The following ZNF213 variants were observed in gnomAD, a reference collection of about 807,000 sequenced individuals.
The protein encoded by ZNF213 is zinc finger protein 213, also known as putative transcription factor CR53.
In ZNF213, 32 loss-of-function variants were observed where a neutral mutation model predicts 46.0. The observed-to-expected ratio is 0.70, with a 90% confidence interval of 0.52 to 0.93. The LOEUF is 0.93. Ranked by LOEUF, ZNF213 falls within the 40% of genes least tolerant of loss-of-function variation. The pLI, the probability that ZNF213 is intolerant of heterozygous loss-of-function variation, is 0.00. For missense variants in ZNF213, 639 were observed against 652.8 expected (o/e 0.98, Z 0.23); for synonymous variants, 297 against 271.0 (o/e 1.10, Z -0.94).
intron 2 of ZNF213, chr16:3,138,004 T>G (rs1414789273): frequency 4.2e-6 from 2 of 475,450 alleles, no homozygotes; most frequent in East Asian, 4.2e-5. Flanking sequence ...CACAAGGGTG[T>G]GCATAGAGCC....
In ZNF213 at chr16:3,135,133, G is replaced by A. The variant is rs1242751492; in HGVS notation, c.-370G>A. On this transcript the variant is annotated 5_prime_UTR_variant, in exon 1 of 6. Coordinates refer to ENST00000396878, the MANE Select transcript of ZNF213 (RefSeq NM_004220.3). The stretch of plus-strand genomic sequence containing the variant: ...GGGCGGGGGCGGGGGCCGGGGCGGG[G>A]ACGGGGCCTCTGGCCGCCTGGCTCC... 7.0e-6 allele frequency: 1 copy of A among 142,582 alleles called. No individual in the cohort carries two copies. Among genetic ancestry groups the A allele is most frequent in the Admixed American group, 6.9e-5 (1 of 14,454 alleles). The allele number at this position is 142,582 out of a possible 1,614,324, so 8.8% of individuals were successfully genotyped here. A position where few individuals can be genotyped will look rare whatever the true frequency, so the allele number is the denominator to read the frequency against.
At chr16:3,137,803 C>A in intron 2 of ZNF213, 124 bp downstream of exon 2, 2 of 1,234,824 alleles carry the variant, frequency 1.6e-6, no homozygotes, top group Non-Finnish European at 1.1e-6. Context: ...CCCCCAGGAG[C>A]AGGCACACAA....
intron 5 of ZNF213, chr16:3,140,421 C>T: frequency 2.9e-6 from 1 of 343,366 alleles, no homozygotes; most frequent in Non-Finnish European, 5.1e-6. Flanking sequence ...CGGGGTTTCA[C>T]CATGTTGGCC....
intron 5 of ZNF213, 164 bp from the exon 6 acceptor site, chr16:3,140,525 T>C: frequency 9.3e-7 from 1 of 1,075,578 alleles, no homozygotes; most frequent in Non-Finnish European, 1.2e-6. Context: ...GCCTGGCCAA[T>C]CATCCCTGTT....
intron 2 of ZNF213, 37 bp downstream of exon 2, chr16:3,137,716 G>C (rs1270840350): frequency 3.1e-6 from 5 of 1,602,578 alleles, no homozygotes; most frequent in Non-Finnish European, 4.3e-6. Context: ...CACCTGGATG[G>C]TATCTGAGCT....
At position 3,142,411 on chromosome 16, in the gene ZNF213, GC is replaced by G; in HGVS notation, c.*1065del. The G allele has an allele frequency of 1.4e-5, 2 of 146,042 alleles. No individual in the cohort carries two copies. The highest frequency in any genetic ancestry group is 9.3e-5 in the South Asian group (1 of 10,766). The allele number at this position is 146,042 out of a possible 1,614,324, so 9.0% of individuals were successfully genotyped here. A position where few individuals can be genotyped will look rare whatever the true frequency, so the allele number is the denominator to read the frequency against. On this transcript the variant is annotated 3_prime_UTR_variant, in exon 6 of 6. Coordinates refer to ENST00000396878, the MANE Select transcript of ZNF213 (RefSeq NM_004220.3). ...CCCACTCCATCAGCACTAACGCCCTGCTCCATCGGCACTGGTGTCCCACTCC... is the reference window on the plus strand; with the variant it reads ...CCCACTCCATCAGCACTAACGCCCTGTCCATCGGCACTGGTGTCCCACTCC...
At position 3,140,791 on chromosome 16, in the gene ZNF213, A is replaced by G; in HGVS notation, c.824A>G (p.Glu275Gly). The stretch of plus-strand genomic sequence containing the variant: ...GACGTGACTGTGTCCTGGAGCCCCG[A>G]GGAGGCTGAGGCCTGGGAGAGCGAG... The part of the protein sequence containing the change: ...GSDVTVSWSP[E>G]EAEAWESENR... The change falls in exon 6 of 6, where the codon GAG (glutamate) becomes GGG (glycine). Residue 275 changes from glutamate (E) to glycine (G), a missense_variant. By Grantham distance (98) the Glu-to-Gly change is moderately conservative. Coordinates refer to ENST00000396878, the MANE Select transcript of ZNF213 (RefSeq NM_004220.3). The G allele has an allele frequency of 6.3e-7, 1 of 1,595,216 alleles. No individual in the cohort carries two copies. Among genetic ancestry groups the G allele is most frequent in the Non-Finnish European group, 8.5e-7 (1 of 1,173,072 alleles).
In ZNF213 at chr16:3,141,283, A is replaced by G. The variant is rs758218435; in HGVS notation, c.1316A>G (p.Lys439Arg). The change falls in exon 6 of 6, where the codon AAG (lysine) becomes AGG (arginine). Residue 439 changes from lysine to arginine, a missense_variant. Physicochemically the swap from Lys to Arg is conservative, Grantham distance 26. Coordinates refer to ENST00000396878, the MANE Select transcript of ZNF213 (RefSeq NM_004220.3). ...TGCGGAGAGTGCGACAAGAGCTTCA[A>G]GCAGCGCGCGCACCTCATCGCGCAT... ...FGCGECDKSF[K>R]QRAHLIAHQS... 3 of 1,610,768 alleles carry G rather than the reference A, an allele frequency of 1.9e-6. No homozygotes were observed. Among genetic ancestry groups the G allele is most frequent in the African/African-American group, 1.3e-5 (1 of 74,942 alleles).
In ZNF213 at chr16:3,141,683, C is replaced by T. The variant is rs890325343; in HGVS notation, c.*336C>T. 1.5e-5 allele frequency: 5 copies of T among 331,358 alleles called. No homozygotes were observed. Among genetic ancestry groups the T allele is most frequent in the South Asian group, 7.6e-5 (1 of 13,080 alleles). 20.5% of individuals were successfully genotyped at this position (331,358 alleles called of 1,614,324 possible). On this transcript the variant is annotated 3_prime_UTR_variant, in exon 6 of 6. Coordinates refer to ENST00000396878, the MANE Select transcript of ZNF213 (RefSeq NM_004220.3). The stretch of plus-strand genomic sequence containing the variant: ...TCAGGTCTAGGTCCCTTCCCAGAAG[C>T]CCCCGAGCCTCATTTGACTGTGTGG...
chr16:3,136,068 C>A (rs1957533418), intron 1 of ZNF213, among the ~76,000 whole-genome samples: 1 of 152,208 alleles, frequency 6.6e-6, no homozygotes, highest in East Asian at 1.9e-4. Flanking sequence ...TGGCCTCAAG[C>A]AATCATCCTG....
Position 3,140,808 on chromosome 16 carries a change from G to A in ZNF213, c.841G>A (p.Glu281Lys). The change falls in exon 6 of 6, where the codon GAG becomes AAG. Residue 281 changes from glutamate to lysine, a missense_variant. Coordinates refer to ENST00000396878, the MANE Select transcript of ZNF213 (RefSeq NM_004220.3). ...SWSPEEAEAW[E>K]SENRPRAALG... ...GAGCCCCGAGGAGGCTGAGGCCTGG[G>A]AGAGCGAGAACCGGCCGAGGGCGGC... 2 of 1,595,434 alleles carry A rather than the reference G, an allele frequency of 1.3e-6. No individual in the cohort carries two copies. Among genetic ancestry groups the A allele is most frequent in the Non-Finnish European group, 1.7e-6 (2 of 1,173,454 alleles).
intron 1 of ZNF213, among the ~76,000 whole-genome samples, chr16:3,135,954 T>G (rs1267377287): frequency 6.6e-6 from 1 of 151,000 alleles, no homozygotes. Flanking sequence ...TCTTTCCTCC[T>G]CAGCCTCCCC....
chr16:3,137,077 G>A, intron 1 of ZNF213, 89 bp from the exon 2 acceptor site: 1 of 613,852 alleles, frequency 1.6e-6, no homozygotes. Flanking sequence ...GCCATGAAAG[G>A]ATGGGGACTG....
At chr16:3,138,221 G>A (rs1957563159) in intron 2 of ZNF213, 197 bp from the exon 3 acceptor site, 2 of 1,086,040 alleles carry the variant, frequency 1.8e-6, no homozygotes, top group South Asian at 3.2e-5. Context: ...CCTCGTGAAT[G>A]ATCGGGGAGC....
rs751370800 is a variant in ZNF213, at chr16:3,138,804, G to A, written c.583G>A (p.Val195Ile). Reference sequence around the variant, plus strand: ...CGGAGAGACGACGGACACCTGCTTTGTCTCTGGGGTCCATGTGAGTCACCA... The same window carrying A: ...CGGAGAGACGACGGACACCTGCTTTATCTCTGGGGTCCATGTGAGTCACCA... ...RPGETTDTCF[V>I]SGVHGPVALG... The change falls in exon 4 of 6, where the codon GTC becomes ATC. Residue 195 changes from valine to isoleucine, a missense_variant. Transcript: ENST00000396878. 7 of 1,614,054 alleles carry A rather than the reference G, an allele frequency of 4.3e-6. No individual in the cohort carries two copies. In the East Asian group the frequency reaches 1.3e-4, roughly 31 times the overall value.
rs915214885 is a variant in ZNF213 at position 3,141,585 on chromosome 16, T to C, written c.*238T>C. On this transcript the variant is annotated 3_prime_UTR_variant, in exon 6 of 6. Coordinates refer to ENST00000396878, the MANE Select transcript of ZNF213 (RefSeq NM_004220.3). ...TTGTCCTCTTTCCCCCTTCTGCGCC[T>C]AGCGTTCCTCTTCCCCTCTAGTTTC... 1.2e-5 allele frequency: 6 copies of C among 501,516 alleles called. No homozygotes were observed. Among genetic ancestry groups the C allele is most frequent in the Non-Finnish European group, 2.1e-5 (6 of 287,640 alleles). 31.1% of individuals were successfully genotyped at this position (501,516 alleles called of 1,614,324 possible). A position where few individuals can be genotyped will look rare whatever the true frequency, so the allele number is the denominator to read the frequency against.
chr16:3,138,464 C>T lies in ZNF213; in HGVS notation c.446C>T (p.Ser149Phe), dbSNP rs772247472. Residue 149 changes from serine (S) to phenylalanine (F), a missense_variant, in exon 3 of 6, where the codon TCC (serine) becomes TTC (phenylalanine). Ser to Phe is a radical substitution (Grantham distance 155). Transcript: ENST00000396878. ...GAACCCGAGGCTGCAGGCCGGGGAT[C>T]CCAGGCCACGGGGCCTCCCCCGACG... ...EAEPEAAGRGSQATGPPPTVG... is the reference protein window; with the variant it reads ...EAEPEAAGRGFQATGPPPTVG... 1.1e-5 allele frequency: 17 copies of T among 1,613,008 alleles called. No individual in the cohort carries two copies. The highest frequency in any genetic ancestry group is 1.7e-4 in the Middle Eastern group (1 of 6,050).
chr16:3,141,129 C>T lies in ZNF213; in HGVS notation c.1162C>T (p.Leu388=). 1 of 1,612,510 alleles carries T rather than the reference C, an allele frequency of 6.2e-7. No homozygotes were observed. The highest frequency in any genetic ancestry group is 8.5e-7 in the Non-Finnish European group (1 of 1,179,526). ...CGKSFSRSAY[L]ADHQRIHTGE... ...CAAGAGCTTCAGCCGCAGCGCCTACCTGGCCGACCACCAGCGCATACACAC... is the reference window on the plus strand; with the variant it reads ...CAAGAGCTTCAGCCGCAGCGCCTACTTGGCCGACCACCAGCGCATACACAC... Residue 388 remains leucine, a synonymous_variant, in exon 6 of 6, where the codon CTG becomes TTG. Transcript: ENST00000396878.
rs1465455712 is a variant in ZNF213 at position 3,137,640 on chromosome 16, G to A, written c.360G>A (p.Val120=). ...PGSGEEAVAL[V]EDLQKQPVKA... The stretch of plus-strand genomic sequence containing the variant: ...GCGGTGAGGAGGCTGTCGCCTTGGT[G>A]GAGGACCTACAGAAGCAGCCAGTGA... The change falls in exon 2 of 6, where the codon GTG becomes GTA. Residue 120 remains valine (V), a synonymous_variant. Coordinates refer to ENST00000396878, the MANE Select transcript of ZNF213 (RefSeq NM_004220.3). The A allele has an allele frequency of 1.2e-6, 2 of 1,613,680 alleles. No individual in the cohort carries two copies. Among genetic ancestry groups the A allele is most frequent in the Admixed American group, 1.7e-5 (1 of 60,006 alleles).
Sources: gnomAD v4.1 joint callset for allele counts (sites outside exome capture counted in the v4.1 genomes callset) on GRCh38, gnomAD v4.1.1 for gene constraint, MANE v1.5 for transcripts, NCBI Gene and HGNC (gene_info 2026-07-23, HGNC 2026-07-21) for gene names.